Variants in GALM observed in about 807,000 individuals in gnomAD.
GALM encodes the protein galactose mutarotase.
GALM carries 43 observed loss-of-function variants against 37.4 expected under a neutral mutation model. The observed-to-expected ratio is 1.15, with a 90% CI of 0.90 to 1.48. The LOEUF is 1.48. GALM is among the 40% of genes most tolerant of loss of function. GALM has a pLI of 0.00. For synonymous variants in GALM, 199 were observed against 170.6 expected, an observed-to-expected ratio of 1.17 and a Z score of -1.30; for missense variants, 456 against 419.1, an observed-to-expected ratio of 1.09 and a Z score of -0.77.
intron 4 of GALM, among the ~76,000 whole-genome samples, chr2:38,703,740 T>TG (rs1479568272): frequency 6.6e-6 from 1 of 151,958 alleles, no homozygotes; most frequent in Non-Finnish European, 1.5e-5. Context: ...AGGCTGGGCG[T>TG]GGTGGCTCAC....
At chr2:38,698,267 G>T in intron 4 of GALM, 3 of 451,488 alleles carry the variant, frequency 6.6e-6, no homozygotes. Flanking sequence ...AACTTCTAAA[G>T]CTACCTCTGT....
intron 4 of GALM, among the ~76,000 whole-genome samples, chr2:38,720,925 T>C (rs72897908): frequency 0.016 from 2,414 of 152,322 alleles, 72 homozygotes; most frequent in African/African-American, 0.056. Context: ...CACACAGCAT[T>C]ACTTGGCCAC....
chr2:38,674,210 T>C (rs1665183404), intron 1 of GALM, among the ~76,000 whole-genome samples: 1 of 145,212 alleles, frequency 6.9e-6, no homozygotes, highest in Non-Finnish European at 1.5e-5. Context: ...TTTTTTTTTT[T>C]GAGACAGTCT....
intron 4 of GALM, among the ~76,000 whole-genome samples, chr2:38,695,965 C>T (rs1665795620): frequency 6.6e-6 from 1 of 152,064 alleles, no homozygotes; most frequent in African/African-American, 2.4e-5. Context: ...TCCCGAAGTG[C>T]TGGGATTACA....
At chr2:38,703,760 C>G (rs968131573) in intron 4 of GALM, among the ~76,000 whole-genome samples, 2 of 152,102 alleles carry the variant, frequency 1.3e-5, no homozygotes, top group Non-Finnish European at 2.9e-5. Flanking sequence ...CGCTTGTAAT[C>G]CCAGCACTTT....
At chr2:38,668,604 G>A (rs1044092559) in intron 1 of GALM, 1 of 152,072 alleles carries the variant, frequency 6.6e-6, no homozygotes, top group Non-Finnish European at 1.5e-5. Flanking sequence ...GAGTATGTAA[G>A]TATATATAAA....
chr2:38,701,501 T>C (rs1665916533), intron 4 of GALM, among the ~76,000 whole-genome samples: 1 of 152,202 alleles, frequency 6.6e-6, no homozygotes, highest in Non-Finnish European at 1.5e-5. Flanking sequence ...ATTCACTCTG[T>C]CCCCCAGCCC....
intron 4 of GALM, among the ~76,000 whole-genome samples, chr2:38,725,549 TAC>T (rs112827171): frequency 6.7e-5 from 10 of 148,650 alleles, no homozygotes; most frequent in East Asian, 2.0e-4. Context: ...AACACACACA[TAC>T]ACACACACAC....
intron 4 of GALM, among the ~76,000 whole-genome samples, chr2:38,711,216 A>G (rs1380919158): frequency 1.3e-5 from 2 of 149,938 alleles, no homozygotes; most frequent in Non-Finnish European, 3.0e-5. Flanking sequence ...CTGGCATGCA[A>G]TGGCGCGATC....
rs1664928296 is a variant in GALM, at chr2:38,666,251, A to T, written c.90A>T (p.Arg30Ser). ...EKFQLQSDLLRVDIISWGCTI... is the reference protein window; with the variant it reads ...EKFQLQSDLLSVDIISWGCTI... ...TCCAGCTGCAGTCAGACCTCTTGAG[A>T]GTGGACATCATCTCCTGGGGCTGCA... is the stretch of plus-strand genomic sequence containing the variant. Residue 30 changes from arginine (R) to serine (S), a missense_variant, in exon 1 of 7, where the codon AGA (arginine) becomes AGT (serine). Coordinates refer to ENST00000272252, the MANE Select transcript of GALM (RefSeq NM_138801.3). 1 of 1,613,910 alleles carries T rather than the reference A, an allele frequency of 6.2e-7. No individual in the cohort carries two copies.
At position 38,702,932 on chromosome 2, in the gene GALM, T is replaced by A. The variant is rs867529762; in HGVS notation, c.634+13038T>A. ...CACTTTATTTATATATATATACTTTTTATATATATATATATATAATATGTG... is the reference window on the plus strand; with the variant it reads ...CACTTTATTTATATATATATACTTTATATATATATATATATATAATATGTG... On this transcript the variant is annotated intron_variant, in intron 4 of 6. Transcript: ENST00000272252. 6.3e-3 allele frequency among the ~76,000 whole-genome samples: 851 copies of A among 134,848 alleles called. 6 individuals carry two copies. The highest frequency in any genetic ancestry group is 8.0e-3 in the African/African-American group (286 of 35,880). The allele number at this position is 134,848 out of a possible 152,430, so 88.5% of individuals were successfully genotyped here. A position where few individuals can be genotyped will look rare whatever the true frequency, so the allele number is the denominator to read the frequency against.
rs1665391103 is a variant in GALM, at chr2:38,681,356, C to T, written c.422C>T (p.Pro141Leu). The change falls in exon 3 of 7, where the codon CCC becomes CTC. Residue 141 changes from proline to leucine, a missense_variant. Physicochemically the swap from Pro to Leu is moderately conservative, Grantham distance 98 (BLOSUM62 -3). Coordinates refer to ENST00000272252, the MANE Select transcript of GALM (RefSeq NM_138801.3). The stretch of plus-strand genomic sequence containing the variant: ...AGTCCAGATGGTGAAGAAGGCTACC[C>T]CGGAGAGTTAAAAGTCTGGGTGACA... ...RISPDGEEGY[P>L]GELKVWVTYT... 3 of 1,613,972 alleles carry T rather than the reference C, an allele frequency of 1.9e-6. No homozygotes were observed. The highest frequency in any genetic ancestry group is 2.5e-6 in the Non-Finnish European group (3 of 1,180,016).
chr2:38,700,195 G>T (rs149046319), intron 4 of GALM, among the ~76,000 whole-genome samples: 5 of 152,010 alleles, frequency 3.3e-5, no homozygotes, highest in Non-Finnish European at 7.4e-5. Flanking sequence ...CAAGTGATCC[G>T]CCCACCTCAG....
intron 4 of GALM, among the ~76,000 whole-genome samples, chr2:38,714,752 T>G (rs922499061): frequency 1.3e-5 from 2 of 152,228 alleles, no homozygotes; most frequent in African/African-American, 4.8e-5. Flanking sequence ...CAGATAATTC[T>G]GAGAAGCATG....
chr2:38,694,691 T>C (rs1665759002), intron 4 of GALM, among the ~76,000 whole-genome samples: 1 of 151,774 alleles, frequency 6.6e-6, no homozygotes, highest in Admixed American at 6.6e-5. Flanking sequence ...GGTCAGGAGA[T>C]CGAGACCATC....
At chr2:38,695,682 TTTGC>T (rs1298355909) in intron 4 of GALM, among the ~76,000 whole-genome samples, 5 of 150,032 alleles carry the variant, frequency 3.3e-5, no homozygotes, top group East Asian at 1.9e-4. Flanking sequence ...GTTTTGTTTG[TTTGC>T]TTGTTTGTTT....
At chr2:38,721,039 G>A (rs1230659101) in intron 4 of GALM, among the ~76,000 whole-genome samples, 2 of 152,326 alleles carry the variant, frequency 1.3e-5, no homozygotes, top group South Asian at 4.1e-4. Context: ...TGTAAGGAGA[G>A]CATGTGGATG....
At chr2:38,706,574 GGA>G (rs1666040096) in intron 4 of GALM, among the ~76,000 whole-genome samples, 1 of 151,476 alleles carries the variant, frequency 6.6e-6, no homozygotes, top group Non-Finnish European at 1.5e-5. Context: ...CAGCTACTCG[GGA>G]GGCTGAGGCT....
chr2:38,683,849 G>A (rs965145364), intron 3 of GALM, among the ~76,000 whole-genome samples: 1 of 152,280 alleles, frequency 6.6e-6, no homozygotes, highest in Non-Finnish European at 1.5e-5. Flanking sequence ...TTACAGGCGT[G>A]AGCCACCGCA....
Sources: gnomAD v4.1 joint callset for allele counts (sites outside exome capture counted in the v4.1 genomes callset) on GRCh38, gnomAD v4.1.1 for gene constraint, MANE v1.5 for transcripts, NCBI Gene and HGNC (gene_info 2026-07-23, HGNC 2026-07-21) for gene names.